Variants in CSMD1 observed in about 807,000 individuals in gnomAD.
The protein encoded by CSMD1 is CUB and Sushi multiple domains 1.
A neutral mutation model predicts 417.5 loss-of-function variants in CSMD1; 213 were observed. The observed-to-expected ratio is 0.51, with a 90% confidence interval of 0.46 to 0.57. The LOEUF (loss-of-function observed/expected upper bound fraction) is 0.57. Among genes scored for constraint, CSMD1 ranks in the 20% least tolerant of loss-of-function variants. CSMD1 has a pLI of 0.00. For synonymous variants in CSMD1, 2,862 were observed against 1,736.8 expected, an observed-to-expected ratio of 1.65 and a Z score of -16.11; for missense variants, 6,923 against 4,529.7, an observed-to-expected ratio of 1.53 and a Z score of -15.17.
At chr8:3,387,396 G>T (rs939075083) in intron 18 of CSMD1, 98 bp downstream of exon 18, 8 of 996,188 alleles carry the variant, frequency 8.0e-6, no homozygotes, top group Middle Eastern at 3.2e-4. Context: ...CAGTCGTAAG[G>T]TACCACCCCC....
intron 37 of CSMD1, among the ~76,000 whole-genome samples, chr8:3,171,043 T>C (rs1442600146): frequency 6.6e-6 from 1 of 152,162 alleles, no homozygotes; most frequent in Non-Finnish European, 1.5e-5. Flanking sequence ...CATGGTGTTG[T>C]GTTGAAAAAA....
At chr8:3,989,806 C>T (rs865841073) in intron 5 of CSMD1, among the ~76,000 whole-genome samples, 2 of 152,096 alleles carry the variant, frequency 1.3e-5, no homozygotes, top group South Asian at 2.1e-4. Context: ...ATAGCACGTG[C>T]CAACAGGAAG....
chr8:4,435,791 T>C (rs888042097), intron 2 of CSMD1, among the ~76,000 whole-genome samples: 5 of 152,170 alleles, frequency 3.3e-5, no homozygotes, highest in Non-Finnish European at 7.3e-5. Context: ...AACAAGACAA[T>C]AGAAGACAGA....
intron 10 of CSMD1, among the ~76,000 whole-genome samples, chr8:3,546,913 G>T (rs910892267): frequency 6.6e-6 from 1 of 152,224 alleles, no homozygotes; most frequent in Non-Finnish European, 1.5e-5. Flanking sequence ...ACTGCTGCTT[G>T]AGTTTAGATG....
intron 3 of CSMD1, among the ~76,000 whole-genome samples, chr8:4,134,438 A>G (rs139983468): frequency 5.9e-5 from 9 of 152,326 alleles, no homozygotes; most frequent in African/African-American, 1.9e-4. Flanking sequence ...ACAGGTGTCT[A>G]CAAGCCAAAG....
chr8:3,005,590 C>T (rs1475724957), intron 52 of CSMD1, among the ~76,000 whole-genome samples: 1 of 152,216 alleles, frequency 6.6e-6, no homozygotes, highest in Non-Finnish European at 1.5e-5. Context: ...AAGTGGGCTT[C>T]ATCCCTGGGA....
intron 26 of CSMD1, among the ~76,000 whole-genome samples, chr8:3,281,443 C>G (rs1380461345): frequency 2.0e-5 from 3 of 151,638 alleles, no homozygotes; most frequent in African/African-American, 7.3e-5. Context: ...GACTCCATCT[C>G]AAGGAAAAAA....
At chr8:3,491,789 C>T (rs1818394383) in intron 11 of CSMD1, among the ~76,000 whole-genome samples, 1 of 152,310 alleles carries the variant, frequency 6.6e-6, no homozygotes, top group South Asian at 2.1e-4. Context: ...TGGGATGCTA[C>T]CCGGGGCAAG....
chr8:4,271,463 T>A (rs1404346674), intron 3 of CSMD1, among the ~76,000 whole-genome samples: 1 of 151,982 alleles, frequency 6.6e-6, no homozygotes, highest in African/African-American at 2.4e-5. Context: ...AAAAACTCAC[T>A]GCAATGCAAT....
chr8:4,173,751 T>A (rs1050336720), intron 3 of CSMD1, among the ~76,000 whole-genome samples: 3 of 152,046 alleles, frequency 2.0e-5, no homozygotes, highest in Non-Finnish European at 4.4e-5. Context: ...AAAAAACTTA[T>A]TTTCAATATT....
intron 12 of CSMD1, among the ~76,000 whole-genome samples, chr8:3,445,906 T>C (rs1005796593): frequency 6.6e-6 from 1 of 152,172 alleles, no homozygotes; most frequent in African/African-American, 2.4e-5. Flanking sequence ...AGATCTATCA[T>C]CTTGACTCCA....
At position 3,767,097 on chromosome 8, in the gene CSMD1, A is replaced by G. The variant is rs7004589; in HGVS notation, c.819-13055T>C. The stretch of plus-strand genomic sequence containing the variant: ...CCTCCTGCAGACCCACTTAAACCTC[A>G]CTCAAGTACAGTAGCCGTGGGGTTC... On this transcript the variant is annotated intron_variant, in intron 5 of 69. Coordinates refer to ENST00000635120, the MANE Select transcript of CSMD1 (RefSeq NM_033225.6). Among the ~76,000 whole-genome samples, 235 of 152,032 alleles carry G rather than the reference A, an allele frequency of 1.5e-3. 2 individuals are homozygous for G. The highest frequency in any genetic ancestry group is 5.4e-3 in the African/African-American group (225 of 41,482).
intron 5 of CSMD1, among the ~76,000 whole-genome samples, chr8:3,801,497 T>C (rs978727569): frequency 1.3e-5 from 2 of 152,134 alleles, no homozygotes; most frequent in African/African-American, 2.4e-5. Flanking sequence ...ATGTAGAGAA[T>C]TGGAACCCTC....
intron 12 of CSMD1, 109 bp from the exon 13 acceptor site, chr8:3,409,714 C>A: frequency 1.2e-6 from 1 of 801,232 alleles, no homozygotes; most frequent in Non-Finnish European, 1.9e-6. Flanking sequence ...AACTAAACAT[C>A]ATTTTTGTAA....
At chr8:3,603,130 G>C (rs1304027011) in intron 8 of CSMD1, among the ~76,000 whole-genome samples, 1 of 152,128 alleles carries the variant, frequency 6.6e-6, no homozygotes, top group African/African-American at 2.4e-5. Context: ...TTCAAGGAGT[G>C]TCAATGGGAT....
chr8:3,179,828 A>G (rs1056774698), intron 37 of CSMD1, among the ~76,000 whole-genome samples: 1 of 152,232 alleles, frequency 6.6e-6, no homozygotes, highest in Non-Finnish European at 1.5e-5. Flanking sequence ...CCACAGTATC[A>G]TTTTATACTG....
In CSMD1 at chr8:3,134,922, T is replaced by C. The variant is rs181200116; in HGVS notation, c.6241+7543A>G. 1.4e-3 allele frequency among the ~76,000 whole-genome samples: 219 copies of C among 152,294 alleles called. 2 individuals are homozygous for C. The highest frequency in any genetic ancestry group is 4.9e-3 in the African/African-American group (205 of 41,564). On this transcript the variant is annotated intron_variant, in intron 41 of 69. Coordinates refer to ENST00000635120, the MANE Select transcript of CSMD1 (RefSeq NM_033225.6). ...GTGAGCACACCATACGTAACAGTTATTATTGTCATTATTATTACTGAGACA... is the reference window on the plus strand; with the variant it reads ...GTGAGCACACCATACGTAACAGTTACTATTGTCATTATTATTACTGAGACA...
At chr8:4,909,775 C>G (rs1805538194) in intron 1 of CSMD1, among the ~76,000 whole-genome samples, 1 of 152,094 alleles carries the variant, frequency 6.6e-6, no homozygotes, top group South Asian at 2.1e-4. Flanking sequence ...GATCCATGTA[C>G]ATTTGTTTTG....
intron 57 of CSMD1, among the ~76,000 whole-genome samples, chr8:2,968,411 T>C (rs188374872): frequency 4.7e-4 from 72 of 152,368 alleles, no homozygotes; most frequent in Non-Finnish European, 1.5e-5. Flanking sequence ...GTAGAACCAA[T>C]ACTTAAACAA....
Sources: allele counts gnomAD v4.1 joint callset (sites outside exome capture counted in the v4.1 genomes callset), GRCh38; gene constraint gnomAD v4.1.1; transcripts MANE v1.5; gene names NCBI Gene and HGNC (gene_info 2026-07-23, HGNC 2026-07-21).